The following PPP6R2 variants were observed in gnomAD, a reference collection of about 807,000 sequenced individuals.
PPP6R2 encodes the protein serine/threonine-protein phosphatase 6 regulatory subunit 2.
PPP6R2 carries 62 observed loss-of-function variants against 100.2 expected under a neutral mutation model. The ratio of observed to expected loss-of-function variants is 0.62; its 90% CI spans 0.50 to 0.76. PPP6R2 has a LOEUF of 0.76. Among genes scored for constraint, PPP6R2 ranks in the 30% least tolerant of loss-of-function variants. The pLI is 0.00. For synonymous variants in PPP6R2, 525 were observed against 514.7 expected (o/e 1.02, Z -0.27); for missense variants, 1,142 against 1,276.3 (o/e 0.89, Z 1.60).
upstream of PPP6R2, among the ~76,000 whole-genome samples, chr22:50,340,594 GT>G: frequency 1.8e-5 from 2 of 109,516 alleles, no homozygotes; most frequent in South Asian, 3.5e-4. Flanking sequence ...TGTGGTGTGT[GT>G]GTGTGGTGTG....
intron 1 of PPP6R2, among the ~76,000 whole-genome samples, chr22:50,370,705 C>T (rs1036812019): frequency 3.9e-5 from 6 of 151,958 alleles, no homozygotes; most frequent in Non-Finnish European, 5.9e-5. Context: ...GTGATCTCGG[C>T]TCACTGCAAC....
intron 2 of PPP6R2, among the ~76,000 whole-genome samples, chr22:50,386,469 T>C (rs955957695): frequency 5.3e-5 from 8 of 152,128 alleles, no homozygotes; most frequent in African/African-American, 1.9e-4. Flanking sequence ...TTTGGAGTGG[T>C]TATATATTCA....
At chr22:50,358,008 G>C (rs886695943) in intron 1 of PPP6R2, among the ~76,000 whole-genome samples, 1 of 152,022 alleles carries the variant, frequency 6.6e-6, no homozygotes, top group South Asian at 2.1e-4. Context: ...CTGGAGTGCA[G>C]TGGCGTGATC....
At chr22:50,393,293 A>T in intron 2 of PPP6R2, 1 of 672,378 alleles carries the variant, frequency 1.5e-6, no homozygotes, top group Non-Finnish European at 1.8e-6. Context: ...CGATGAGTGG[A>T]TGGGCCGGGT....
intron 2 of PPP6R2, among the ~76,000 whole-genome samples, chr22:50,373,942 C>T (rs1396920667): frequency 1.3e-5 from 2 of 152,106 alleles, no homozygotes; most frequent in African/African-American, 2.4e-5. Context: ...CCACGTTGGT[C>T]AGGCTGGTCT....
At chr22:50,374,568 A>G (rs2051012534) in intron 2 of PPP6R2, among the ~76,000 whole-genome samples, 2 of 152,106 alleles carry the variant, frequency 1.3e-5, no homozygotes, top group Non-Finnish European at 2.9e-5. Context: ...CTAATAAAAG[A>G]CCTAAATCCA....
intron 22 of PPP6R2, among the ~76,000 whole-genome samples, chr22:50,442,839 A>T (rs1027927832): frequency 1.4e-5 from 2 of 146,466 alleles, no homozygotes; most frequent in African/African-American, 2.5e-5. Flanking sequence ...GGTGTGAGCC[A>T]CCGCGCCTGG....
At chr22:50,372,974 A>G (rs1296028014) in intron 2 of PPP6R2, among the ~76,000 whole-genome samples, 1 of 152,036 alleles carries the variant, frequency 6.6e-6, no homozygotes, top group Non-Finnish European at 1.5e-5. Context: ...GGCGTGAGCC[A>G]CCGCGCCCTG....
chr22:50,351,025 T>TG (rs201025719), intron 1 of PPP6R2, among the ~76,000 whole-genome samples: 6,732 of 81,850 alleles, frequency 0.082, 1,282 homozygotes, highest in African/African-American at 0.28. Context: ...GTCTCAACAG[T>TG]GTTTTTTTTT....
intron 5 of PPP6R2, among the ~76,000 whole-genome samples, chr22:50,415,417 C>T (rs1036331778): frequency 2.6e-5 from 4 of 152,248 alleles, no homozygotes; most frequent in African/African-American, 7.2e-5. Context: ...CCAACCTTTA[C>T]ACAGTGGACA....
At chr22:50,435,265 T>C (rs2273259) in intron 13 of PPP6R2, among the ~76,000 whole-genome samples, 184 bp downstream of exon 13, 60,297 of 152,150 alleles carry the variant, frequency 0.4, 12,465 homozygotes, top group East Asian at 0.74. Flanking sequence ...CTGGGTCTCA[T>C]GTGTCAGTTC....
chr22:50,432,133 C>T, intron 11 of PPP6R2, 132 bp from the exon 12 acceptor site: 10 of 788,826 alleles, frequency 1.3e-5, no homozygotes, highest in East Asian at 5.4e-5. Context: ...GCTGTGCGTG[C>T]GCAGCAGTCA....
At chr22:50,408,178 T>C (rs934842063) in intron 4 of PPP6R2, among the ~76,000 whole-genome samples, 11 of 152,212 alleles carry the variant, frequency 7.2e-5, no homozygotes, top group African/African-American at 2.4e-4. Context: ...TGAGCCACGA[T>C]GCCCAGCTAT....
intron 2 of PPP6R2, among the ~76,000 whole-genome samples, chr22:50,374,606 A>G (rs2051022422): frequency 6.6e-6 from 1 of 152,260 alleles, no homozygotes; most frequent in African/African-American, 2.4e-5. Flanking sequence ...ATATGTCCCA[A>G]TCAATATTTT....
chr22:50,378,360 G>A (rs938770332), intron 2 of PPP6R2, among the ~76,000 whole-genome samples: 1 of 152,230 alleles, frequency 6.6e-6, no homozygotes, highest in African/African-American at 2.4e-5. Context: ...GCTGAGGCAG[G>A]TGGATCACCT....
intron 2 of PPP6R2, among the ~76,000 whole-genome samples, chr22:50,379,704 A>T (rs186172855): frequency 1.3e-5 from 2 of 152,196 alleles, no homozygotes; most frequent in Admixed American, 1.3e-4. Context: ...ACATAGGGAG[A>T]CCTTGTCTCT....
Position 50,382,334 on chromosome 22 carries a change from C to T in PPP6R2, c.-17+10184C>T, listed in dbSNP as rs138003084. ...AAAAGTCAAACAGGGCACGGTGGCT[C>T]ATGCCTGTAATCCCAGCACTTTGGG... On this transcript the variant is annotated intron_variant, in intron 2 of 23. Coordinates refer to ENST00000612753, the MANE Select transcript of PPP6R2 (RefSeq NM_001242898.2). Among the ~76,000 whole-genome samples, 340 of 152,188 alleles carry T rather than the reference C, an allele frequency of 2.2e-3. 1 individual carries two copies. The highest frequency in any genetic ancestry group is 7.1e-3 in the African/African-American group (295 of 41,514).
At chr22:50,360,649 G>A (rs1466242229) in intron 1 of PPP6R2, among the ~76,000 whole-genome samples, 2 of 152,160 alleles carry the variant, frequency 1.3e-5, no homozygotes, top group Non-Finnish European at 2.9e-5. Context: ...TAGGTGTGAG[G>A]CACCATTCCT....
chr22:50,333,367 C>T, the PPP6R2 span, among the ~76,000 whole-genome samples: 119 of 149,114 alleles, frequency 8.0e-4, 1 homozygote, highest in Middle Eastern at 3.5e-3. Flanking sequence ...GACGGAGTCT[C>T]GCTCTGTCGC....
Sources: gnomAD v4.1 joint callset for allele counts (sites outside exome capture counted in the v4.1 genomes callset) on GRCh38, gnomAD v4.1.1 for gene constraint, MANE v1.5 for transcripts, NCBI Gene and HGNC (gene_info 2026-07-23, HGNC 2026-07-21) for gene names.